The following SYNE1 variants were observed in gnomAD, a reference collection of about 807,000 sequenced individuals.
SYNE1 encodes the protein spectrin repeat containing nuclear envelope protein 1.
Under a neutral mutation model 1,111.0 loss-of-function variants are expected in SYNE1, and 616 were observed. The observed-to-expected ratio is 0.55, with a 90% CI of 0.52 to 0.59. The LOEUF is 0.59. SYNE1 is among the 20% of genes least tolerant of loss of function. The probability of loss-of-function intolerance (pLI) is 0.00; values close to 1 mark genes in which losing one functional copy is unlikely to be tolerated. For missense variants in SYNE1, 10,006 were observed against 10,417.0 expected, an observed-to-expected ratio of 0.96 and a Z score of 1.72; for synonymous variants, 3,855 against 3,825.8, an observed-to-expected ratio of 1.01 and a Z score of -0.28.
intron 115 of SYNE1, among the ~76,000 whole-genome samples, chr6:152,230,117 C>G (rs565892778): frequency 6.6e-6 from 1 of 151,986 alleles, no homozygotes; most frequent in South Asian, 2.1e-4. Context: ...ACTGCAGCCT[C>G]GATCTCCTGA....
chr6:152,319,351 T>G (rs1480359971), intron 84 of SYNE1, among the ~76,000 whole-genome samples: 1 of 152,260 alleles, frequency 6.6e-6, no homozygotes, highest in Non-Finnish European at 1.5e-5. Flanking sequence ...GTAATGACCT[T>G]GAGCACACAA....
intron 145 of SYNE1, among the ~76,000 whole-genome samples, chr6:152,129,974 C>G (rs1014741541): frequency 2.0e-5 from 3 of 152,114 alleles, no homozygotes; most frequent in African/African-American, 7.2e-5. Flanking sequence ...GACACCACAC[C>G]GACAACAAAG....
rs558465878 is a variant in SYNE1, at chr6:152,233,646, T to A, written c.20712+135A>T. 8 of 1,112,118 alleles carry A rather than the reference T, an allele frequency of 7.2e-6. No individual in the cohort carries two copies. The African/African-American group carries it at 1.2e-4, about 17-fold the overall frequency. The allele number at this position is 1,112,118 out of a possible 1,614,324, so 68.9% of individuals were successfully genotyped here. A position where few individuals can be genotyped will look rare whatever the true frequency, so the allele number is the denominator to read the frequency against. ...GGCCAGAGTTCACTCTTAATATTAATACAACGGGAGAGAGAAGAGGCCAGG... is the reference window on the plus strand; with the variant it reads ...GGCCAGAGTTCACTCTTAATATTAAAACAACGGGAGAGAGAAGAGGCCAGG... On this transcript the variant is annotated intron_variant, in intron 112 of 145. Coordinates refer to ENST00000367255, the MANE Select transcript of SYNE1 (RefSeq NM_182961.4).
At chr6:152,427,109 A>G (rs1194711626) in intron 38 of SYNE1, among the ~76,000 whole-genome samples, 1 of 152,118 alleles carries the variant, frequency 6.6e-6, no homozygotes, top group Non-Finnish European at 1.5e-5. Flanking sequence ...CTTCAATTAT[A>G]CTCAACGATT....
intron 10 of SYNE1, among the ~76,000 whole-genome samples, chr6:152,501,211 T>C (rs2099028025): frequency 6.6e-6 from 1 of 152,096 alleles, no homozygotes; most frequent in South Asian, 2.1e-4. Flanking sequence ...TCCACCTCTC[T>C]ATGTAATTAA....
chr6:152,487,646 G>A (rs1013231043), intron 12 of SYNE1, among the ~76,000 whole-genome samples: 14 of 152,104 alleles, frequency 9.2e-5, no homozygotes, highest in Admixed American at 5.9e-4. Context: ...GGTCGCAGTC[G>A]AAACTGATCC....
chr6:152,339,757 C>A (rs556405653), intron 74 of SYNE1, among the ~76,000 whole-genome samples: 5 of 152,318 alleles, frequency 3.3e-5, no homozygotes, highest in Admixed American at 2.0e-4. Context: ...GGCAAAGGTC[C>A]GTGAGTTGGT....
intron 39 of SYNE1, 105 bp from the exon 40 acceptor site, chr6:152,419,827 C>A: frequency 1.9e-6 from 2 of 1,073,708 alleles, no homozygotes; most frequent in South Asian, 2.7e-5. Context: ...GCAATGTTGT[C>A]ACACATGAAC....
At chr6:152,340,062 G>A (rs1450651068) in intron 74 of SYNE1, among the ~76,000 whole-genome samples, 1 of 152,212 alleles carries the variant, frequency 6.6e-6, no homozygotes, top group African/African-American at 2.4e-5. Context: ...GCACTGGGAT[G>A]TTTAGTAGTT....
At chr6:152,463,037 G>T in intron 19 of SYNE1, 147 bp from the exon 20 acceptor site, 1 of 1,046,736 alleles carries the variant, frequency 9.6e-7, no homozygotes, top group South Asian at 1.4e-5. Flanking sequence ...TAAATTTGAA[G>T]TAAGTCCAAT....
In SYNE1 at chr6:152,331,036, C is replaced by T. The variant is rs1267785781; in HGVS notation, c.13649G>A (p.Cys4550Tyr). Residue 4550 changes from cysteine (C) to tyrosine (Y), a missense_variant, in exon 78 of 146, where the codon TGC becomes TAC. Physicochemically the swap from Cys to Tyr is radical, Grantham distance 194 (BLOSUM62 -2). Coordinates refer to ENST00000367255, the MANE Select transcript of SYNE1 (RefSeq NM_182961.4). ...CTCTAGTTCTTGTAACCGGTGACTG[C>T]ACTTTTGTAAAACACTGTCATAGAC... ...QSVYDSVLQK[C>Y]SHRLQELEKN... 3 of 1,614,140 alleles carry T rather than the reference C, an allele frequency of 1.9e-6. No individual in the cohort carries two copies. Among genetic ancestry groups the T allele is most frequent in the South Asian group, 1.1e-5 (1 of 91,082 alleles).
chr6:152,556,169 C>T (rs906583544), intron 3 of SYNE1, among the ~76,000 whole-genome samples: 1 of 152,196 alleles, frequency 6.6e-6, no homozygotes. Context: ...AACCCATTCA[C>T]ATGCAACAAA....
chr6:152,164,816 C>T (rs951676518), intron 130 of SYNE1, among the ~76,000 whole-genome samples: 4 of 152,284 alleles, frequency 2.6e-5, no homozygotes, highest in South Asian at 2.1e-4. Flanking sequence ...CTATGAGTCT[C>T]GCCTTTTGGT....
intron 42 of SYNE1, among the ~76,000 whole-genome samples, chr6:152,412,316 C>T (rs1198682944): frequency 5.3e-5 from 8 of 151,314 alleles, no homozygotes; most frequent in South Asian, 2.1e-4. Context: ...CCCAGCTACT[C>T]GGGAGGCTGA....
chr6:152,242,353 C>T lies in SYNE1; in HGVS notation c.19780G>A (p.Ala6594Thr), dbSNP rs773653017. 1.9e-6 allele frequency: 3 copies of T among 1,614,026 alleles called. No homozygotes were observed. Among genetic ancestry groups the T allele is most frequent in the Non-Finnish European group, 2.5e-6 (3 of 1,180,002 alleles). ...AGCAGGTCAGCCAGATCTTGTAGGG[C>T]CCTCTCATACTGACTCTTGAGTGTA... ...NLTLKSQYER[A>T]LQDLADLLET... Residue 6594 changes from alanine (A) to threonine (T), a missense_variant, in exon 107 of 146, where the codon GCC becomes ACC. Around this residue, in one of 7 missense-constraint regions of SYNE1, gnomAD observed 2,182 missense variants for 2,287.8 expected, o/e 0.95. Coordinates refer to ENST00000367255, the MANE Select transcript of SYNE1 (RefSeq NM_182961.4).
intron 145 of SYNE1, 124 bp downstream of exon 145, chr6:152,130,596 A>G (rs2055276822): frequency 7.7e-6 from 7 of 913,778 alleles, no homozygotes; most frequent in Non-Finnish European, 1.3e-5. Context: ...AAGGGTGTGG[A>G]CTGAAATGAG....
In SYNE1 at chr6:152,510,265, C is replaced by G; in HGVS notation, c.509G>C (p.Arg170Pro). The G allele has an allele frequency of 6.2e-7, 1 of 1,613,588 alleles. No homozygotes were observed. Among genetic ancestry groups the G allele is most frequent in the Non-Finnish European group, 8.5e-7 (1 of 1,179,890 alleles). Residue 170 changes from arginine (R) to proline (P), a missense_variant, in exon 8 of 146, where the codon CGG becomes CCG. By Grantham distance (103) the Arg-to-Pro change is moderately radical. This residue lies in a region of SYNE1 where 1,971 missense variants were observed against 2,084.1 expected (regional missense o/e 0.95). Transcript: ENST00000367255. ...TCCTTGGATCTTGGTGGTCACCTTC[C>G]GTTTACTTGGTGGGCTGGGAGTCTC... Reference protein sequence around the residue: ...SSETPSPPSKRKVTTKIQGNA... With the variant: ...SSETPSPPSKPKVTTKIQGNA...
At chr6:152,425,940 C>T (rs775105763) in intron 38 of SYNE1, among the ~76,000 whole-genome samples, 21 of 152,232 alleles carry the variant, frequency 1.4e-4, no homozygotes, top group Non-Finnish European at 2.4e-4. Context: ...AAACTATTGC[C>T]GGAGAGACTC....
At chr6:152,393,062 G>A (rs182804613) in intron 51 of SYNE1, among the ~76,000 whole-genome samples, 1 of 152,308 alleles carries the variant, frequency 6.6e-6, no homozygotes, top group East Asian at 1.9e-4. Context: ...AGGATGGAGA[G>A]AAAGCACCCA....
Sources: allele counts gnomAD v4.1 joint callset (sites outside exome capture counted in the v4.1 genomes callset), GRCh38; gene constraint gnomAD v4.1.1; regional missense constraint gnomAD v4.1.1; transcripts MANE v1.5; gene names NCBI Gene and HGNC (gene_info 2026-07-23, HGNC 2026-07-21).